The following DPYSL5 variants were observed in gnomAD, a reference collection of about 807,000 sequenced individuals.
DPYSL5 encodes the protein dihydropyrimidinase like 5.
In DPYSL5, 9 loss-of-function variants were observed where a neutral mutation model predicts 58.4. The ratio of observed to expected loss-of-function variants is 0.15; its 90% CI spans 0.09 to 0.27. The LOEUF is 0.27. Ranked by LOEUF, DPYSL5 falls within the 10% of genes least tolerant of loss-of-function variation. The pLI is 1.00. For missense variants in DPYSL5, 499 were observed against 770.6 expected (o/e 0.65, Z 4.17); for synonymous variants, 293 against 301.9 (o/e 0.97, Z 0.31).
chr2:26,901,522 T>A (rs1490183125), intron 2 of DPYSL5, among the ~76,000 whole-genome samples: 1 of 152,062 alleles, frequency 6.6e-6, no homozygotes, highest in African/African-American at 2.4e-5. Flanking sequence ...GACGGGTGGA[T>A]TTAATTATTC....
intron 1 of DPYSL5, among the ~76,000 whole-genome samples, chr2:26,870,829 G>A (rs572962537): frequency 6.6e-6 from 1 of 152,238 alleles, no homozygotes; most frequent in Admixed American, 6.5e-5. Context: ...TTGAGAGGTA[G>A]CTATCCTTCC....
rs1283960298 is a variant in DPYSL5, at chr2:26,946,992, G to T, written c.1692G>T (p.Trp564Cys). 6.2e-7 allele frequency: 1 copy of T among 1,612,042 alleles called. No individual in the cohort carries two copies. The highest frequency in any genetic ancestry group is 1.3e-5 in the African/African-American group (1 of 74,916). The stretch of plus-strand genomic sequence containing the variant: ...CCGGAGGCAGGTCGAGTGGCATTTG[G>T]TAAAGGCATTGCCAAGCCCCCCGAG... ...APPGGRSSGI[W>C] Residue 564 changes from tryptophan (W) to cysteine (C), a missense_variant, in exon 13 of 13, where the codon TGG (tryptophan) becomes TGT (cysteine). Trp to Cys is a radical substitution (Grantham distance 215, BLOSUM62 -2). This residue lies in a region of DPYSL5 where 33 missense variants were observed against 63.8 expected (regional missense o/e 0.52). Coordinates refer to ENST00000288699, the MANE Select transcript of DPYSL5 (RefSeq NM_020134.4).
intron 1 of DPYSL5, among the ~76,000 whole-genome samples, chr2:26,882,608 A>T (rs925024600): frequency 2.0e-5 from 3 of 152,182 alleles, no homozygotes; most frequent in Non-Finnish European, 4.4e-5. Flanking sequence ...TTTAATTATA[A>T]GAGCAATGTT....
Position 26,947,225 on chromosome 2 carries a change from C to A in DPYSL5, c.*230C>A, listed in dbSNP as rs79945326. 0.046 allele frequency: 22,616 copies of A among 495,726 alleles called. 666 individuals carry two copies. Among genetic ancestry groups the A allele is most frequent in the Non-Finnish European group, 0.061 (16,465 of 271,734 alleles). 30.7% of individuals were successfully genotyped at this position (495,726 alleles called of 1,614,324 possible). On this transcript the variant is annotated 3_prime_UTR_variant, in exon 13 of 13. Transcript: ENST00000288699. The surrounding 1 kb of genome is among the most constrained non-coding windows in gnomAD (Gnocchi z 4.2). ...CCTGCTGTAGTCCTTTCTGCCTTGGCCTCGGCGGGCTTTTCTGGGGCCCAG... is the reference window on the plus strand; with the variant it reads ...CCTGCTGTAGTCCTTTCTGCCTTGGACTCGGCGGGCTTTTCTGGGGCCCAG...
chr2:26,910,942 A>T (rs1664423867), intron 2 of DPYSL5, among the ~76,000 whole-genome samples: 2 of 152,022 alleles, frequency 1.3e-5, no homozygotes, highest in Admixed American at 6.6e-5. Context: ...TATAATCAAG[A>T]AATTTTTTCA....
chr2:26,923,735 A>C (rs1041271410), intron 2 of DPYSL5, among the ~76,000 whole-genome samples: 2 of 152,156 alleles, frequency 1.3e-5, no homozygotes, highest in African/African-American at 4.8e-5. Flanking sequence ...TTCTTGGCTC[A>C]CTGCGACCTC....
chr2:26,903,245 A>G (rs1412279280), intron 2 of DPYSL5, among the ~76,000 whole-genome samples: 2 of 151,912 alleles, frequency 1.3e-5, no homozygotes, highest in South Asian at 2.1e-4. Flanking sequence ...AATTTTTTGT[A>G]TTTTTAGTAG....
Position 26,924,865 on chromosome 2 carries a change from C to T in DPYSL5, c.262-22C>T. Reference sequence around the variant, plus strand: ...GGGGGCAGGCAGGGCTGTGACGAGACTGCCTTTTCCCGTCTTCCCAGGCAG... The same window carrying T: ...GGGGGCAGGCAGGGCTGTGACGAGATTGCCTTTTCCCGTCTTCCCAGGCAG... On this transcript the variant is annotated intron_variant, in intron 2 of 12. Coordinates refer to ENST00000288699, the MANE Select transcript of DPYSL5 (RefSeq NM_020134.4). The surrounding 1 kb of genome is among the most constrained non-coding windows in gnomAD (Gnocchi z 4.7). The T allele has an allele frequency of 6.2e-7, 1 of 1,610,132 alleles. No homozygotes were observed. The highest frequency in any genetic ancestry group is 8.5e-7 in the Non-Finnish European group (1 of 1,177,850).
intron 11 of DPYSL5, among the ~76,000 whole-genome samples, chr2:26,943,756 C>G (rs1665386849): frequency 6.6e-6 from 1 of 152,196 alleles, no homozygotes; most frequent in Non-Finnish European, 1.5e-5. Context: ...CAAAGCCACA[C>G]AGTTTACAAG....
At chr2:26,931,036 G>A (rs1256219392) in intron 5 of DPYSL5, among the ~76,000 whole-genome samples, 2 of 149,638 alleles carry the variant, frequency 1.3e-5, no homozygotes, top group Admixed American at 1.3e-4. Context: ...CTGCTCAGGA[G>A]TCTGAGGTGG....
chr2:26,916,792 G>A (rs140574687), intron 2 of DPYSL5, among the ~76,000 whole-genome samples: 114 of 152,274 alleles, frequency 7.5e-4, no homozygotes, highest in Non-Finnish European at 1.4e-3. Context: ...CTGCCTTGTA[G>A]TCTCATAGTA....
intron 6 of DPYSL5, among the ~76,000 whole-genome samples, chr2:26,931,981 C>G (rs1665001391): frequency 8.6e-6 from 1 of 115,636 alleles, no homozygotes; most frequent in Non-Finnish European, 1.6e-5. Flanking sequence ...TGCAATCTGT[C>G]CTGGGTGACT....
intron 1 of DPYSL5, among the ~76,000 whole-genome samples, chr2:26,874,603 G>C (rs1457666539): frequency 6.6e-6 from 1 of 152,176 alleles, no homozygotes; most frequent in East Asian, 1.9e-4. Flanking sequence ...ATACCACACT[G>C]TCTTGATAAC....
In DPYSL5 at chr2:26,944,780, A is replaced by G; in HGVS notation, c.1565A>G (p.His522Arg). ...ACTCCTACCCGGCCCGTCACCCGGC[A>G]TGGGGGCATGAGGGACCTTCACGAA... ...ADTPTRPVTR[H>R]GGMRDLHESS... Residue 522 changes from histidine to arginine, a missense_variant, in exon 12 of 13, where the codon CAT becomes CGT. Coordinates refer to ENST00000288699, the MANE Select transcript of DPYSL5 (RefSeq NM_020134.4). This position sits in a 1 kb window ranked among gnomAD's most constrained non-coding sequence, Gnocchi z 4.4. 1.2e-6 allele frequency: 2 copies of G among 1,614,164 alleles called. No homozygotes were observed. The highest frequency in any genetic ancestry group is 1.7e-6 in the Non-Finnish European group (2 of 1,180,010).
intron 1 of DPYSL5, among the ~76,000 whole-genome samples, chr2:26,861,110 C>T: frequency 6.6e-6 from 1 of 152,218 alleles, no homozygotes; most frequent in Admixed American, 6.5e-5. Flanking sequence ...CCCCCAGATG[C>T]AGGCCTCCGA....
At position 26,947,144 on chromosome 2, in the gene DPYSL5, A is replaced by T. The variant is rs1409891344; in HGVS notation, c.*149A>T. The T allele has an allele frequency of 4.4e-5, 27 of 616,482 alleles. No individual in the cohort carries two copies. Among genetic ancestry groups the T allele is most frequent in the Non-Finnish European group, 2.9e-6 (1 of 341,494 alleles). The allele number at this position is 616,482 out of a possible 1,614,324, so 38.2% of individuals were successfully genotyped here. ...CCCACGGAGCCCTCCCTATGTCTGC[A>T]AAGTGATTCACTGTGCTTCGAGCCA... On this transcript the variant is annotated 3_prime_UTR_variant, in exon 13 of 13. Transcript: ENST00000288699. This position sits in a 1 kb window ranked among gnomAD's most constrained non-coding sequence, Gnocchi z 4.2.
At position 26,930,731 on chromosome 2, in the gene DPYSL5, T is replaced by G. The variant is rs185533192; in HGVS notation, c.670-909T>G. 5.5e-4 allele frequency among the ~76,000 whole-genome samples: 83 copies of G among 151,958 alleles called. 1 individual carries two copies. Among genetic ancestry groups the G allele is most frequent in the Admixed American group, 3.3e-3 (51 of 15,278 alleles). ...GGCTCACACCTGTAATCCCAGCACT[T>G]TGGGAGGCCAAGGCAGGCAGATCAC... On this transcript the variant is annotated intron_variant, in intron 5 of 12. Transcript: ENST00000288699.
At chr2:26,901,830 C>A (rs1251264557) in intron 2 of DPYSL5, among the ~76,000 whole-genome samples, 2 of 144,426 alleles carry the variant, frequency 1.4e-5, no homozygotes, top group Non-Finnish European at 3.0e-5. Flanking sequence ...AGCAGCTGGA[C>A]TAGGAAAACA....
rs964473947 is a variant in DPYSL5 at position 26,853,215 on chromosome 2, GT to G, written c.-5+4963del. ...TTGCTGCATCATTCCTTTGAGTGGG[GT>G]TAGGCTGGCGTGGCTGGTGAGGAGC... On this transcript the variant is annotated intron_variant, in intron 1 of 12. Coordinates refer to ENST00000288699, the MANE Select transcript of DPYSL5 (RefSeq NM_020134.4). Among the ~76,000 whole-genome samples the G allele has an allele frequency of 1.1e-4, 17 of 152,312 alleles. No individual in the cohort carries two copies. The East Asian group carries it at 2.7e-3, about 24-fold the overall frequency.
Sources: allele counts gnomAD v4.1 joint callset (sites outside exome capture counted in the v4.1 genomes callset), GRCh38; gene constraint gnomAD v4.1.1; regional missense constraint gnomAD v4.1.1; non-coding constraint Gnocchi (gnomAD v3.1); transcripts MANE v1.5; gene names NCBI Gene and HGNC (gene_info 2026-07-23, HGNC 2026-07-21).